SSRP1: variants seen among roughly 807,000 people sequenced by gnomAD.
SSRP1 encodes FACT complex subunit SSRP1.
SSRP1 carries 21 observed loss-of-function variants against 84.4 expected under a neutral mutation model. The observed-to-expected ratio is 0.25, with a 90% CI of 0.18 to 0.36. The LOEUF is 0.36. Among genes scored for constraint, SSRP1 ranks in the 10% least tolerant of loss-of-function variants. SSRP1 has a pLI of 1.00. For missense variants in SSRP1, 519 were observed against 900.8 expected (o/e 0.58, Z 5.43); for synonymous variants, 319 against 318.3 (o/e 1.00, Z -0.02).
At position 57,335,496 on chromosome 11, in the gene SSRP1, C is replaced by T; in HGVS notation, c.-120+234G>A. 3.2e-6 allele frequency: 1 copy of T among 312,196 alleles called. No individual in the cohort carries two copies. Among genetic ancestry groups the T allele is most frequent in the Non-Finnish European group, 6.3e-6 (1 of 157,702 alleles). The allele number at this position is 312,196 out of a possible 1,614,324, so 19.3% of individuals were successfully genotyped here. On this transcript the variant is annotated intron_variant, in intron 1 of 16. Coordinates refer to ENST00000278412, the MANE Select transcript of SSRP1 (RefSeq NM_003146.3). This position sits in a 1 kb window ranked among gnomAD's most constrained non-coding sequence, Gnocchi z 4.6. ...GGAGCCATGGCAACGAGCAGCGGAA[C>T]CCCAGGGTCTGCCAGGAGCCCGCAC... is the stretch of plus-strand genomic sequence containing the variant.
Position 57,335,138 on chromosome 11 carries a change from G to A in SSRP1, c.-17C>T, listed in dbSNP as rs775981388. 1 of 1,613,972 alleles carries A rather than the reference G, an allele frequency of 6.2e-7. No homozygotes were observed. The highest frequency in any genetic ancestry group is 1.1e-5 in the South Asian group (1 of 91,056). ...CTCTGCCATGTCGACCCCTGCCTGT[G>A]GTGGCCTGGGCAGAGCCCCAGGCTG... On this transcript the variant is annotated 5_prime_UTR_variant, in exon 2 of 17. Coordinates refer to ENST00000278412, the MANE Select transcript of SSRP1 (RefSeq NM_003146.3). The surrounding 1 kb of genome is among the most constrained non-coding windows in gnomAD (Gnocchi z 4.6).
At position 57,330,079 on chromosome 11, in the gene SSRP1, C is replaced by G; in HGVS notation, c.1481+14G>C. ...GTCACCATCTTATCCCCACAAGGTA[C>G]CACCAAAACTCACTCCTCTGCCACA... is the stretch of plus-strand genomic sequence containing the variant. On this transcript the variant is annotated intron_variant, in intron 12 of 16. Transcript: ENST00000278412. The surrounding 1 kb of genome is among the most constrained non-coding windows in gnomAD (Gnocchi z 4.0). 6.2e-7 allele frequency: 1 copy of G among 1,614,182 alleles called. No individual in the cohort carries two copies. The highest frequency in any genetic ancestry group is 8.5e-7 in the Non-Finnish European group (1 of 1,180,014).
intron 2 of SSRP1, 92 bp from the exon 3 acceptor site, chr11:57,334,740 G>C (rs986255735): frequency 1.2e-5 from 18 of 1,453,472 alleles, no homozygotes; most frequent in Non-Finnish European, 1.7e-5. Context: ...TGCTGCAAGT[G>C]GACTGGCCAG....
intron 9 of SSRP1, 60 bp downstream of exon 9, chr11:57,331,608 T>G: frequency 1.4e-6 from 2 of 1,442,402 alleles, no homozygotes; most frequent in South Asian, 1.1e-5. Context: ...ACGCCAGCCT[T>G]CCTAGACAAA....
At chr11:57,327,312 T>C in intron 15 of SSRP1, 114 bp downstream of exon 15, 1 of 1,087,474 alleles carries the variant, frequency 9.2e-7, no homozygotes, top group Non-Finnish European at 1.4e-6. Flanking sequence ...ACTACCCTAC[T>C]GCAGTCAGAA....
intron 15 of SSRP1, chr11:57,327,115 T>A (rs1010782733): frequency 2.8e-5 from 23 of 807,534 alleles, no homozygotes; most frequent in Non-Finnish European, 3.9e-5. Flanking sequence ...AAAACCTACT[T>A]GATATTTCTT....
chr11:57,327,918 A>C, intron 13 of SSRP1, 36 bp from the exon 14 acceptor site: 1 of 1,600,836 alleles, frequency 6.2e-7, no homozygotes, highest in Non-Finnish European at 8.5e-7. Flanking sequence ...GCTATTTCCC[A>C]CAGAACCCAT....
chr11:57,329,149 T>G (rs1171527385), intron 12 of SSRP1: 3 of 152,250 alleles, frequency 2.0e-5, no homozygotes, highest in Non-Finnish European at 4.4e-5. Flanking sequence ...TTCACAAGTA[T>G]TTGCTCATTA....
In SSRP1 at chr11:57,326,550, C is replaced by T. The variant is rs970259647; in HGVS notation, c.2059-72G>A. ...CCCACCCACTCTTCAGTGAAGGGCC[C>T]GCAATTCCCTACCGCCCCCAACTAC... is the stretch of plus-strand genomic sequence containing the variant. On this transcript the variant is annotated intron_variant, in intron 16 of 16. Coordinates refer to ENST00000278412, the MANE Select transcript of SSRP1 (RefSeq NM_003146.3). 7 of 1,606,130 alleles carry T rather than the reference C, an allele frequency of 4.4e-6. 1 individual carries two copies. Among genetic ancestry groups the T allele is most frequent in the South Asian group, 3.3e-5 (3 of 90,740 alleles).
chr11:57,331,114 C>A (rs959017228), intron 9 of SSRP1, among the ~76,000 whole-genome samples, 187 bp from the exon 10 acceptor site: 1 of 152,142 alleles, frequency 6.6e-6, no homozygotes, highest in African/African-American at 2.4e-5. Context: ...AGACATTAGT[C>A]CTGAAAGAAC....
chr11:57,326,457 C>G lies in SSRP1; in HGVS notation c.2080G>C (p.Ala694Pro). The change falls in exon 17 of 17, where the codon GCC (alanine) becomes CCC (proline). Residue 694 changes from alanine to proline, a missense_variant. Coordinates refer to ENST00000278412, the MANE Select transcript of SSRP1 (RefSeq NM_003146.3). ...RSEDSEEEEL[A>P]STPPSSEDSA... The stretch of plus-strand genomic sequence containing the variant: ...TCCTCTGAGCTGGGGGGAGTACTGG[C>G]TAGTTCTTCTTCTTCAGAGTCCTGA... 6.2e-7 allele frequency: 1 copy of G among 1,614,142 alleles called. No homozygotes were observed. The highest frequency in any genetic ancestry group is 8.5e-7 in the Non-Finnish European group (1 of 1,180,032).
At chr11:57,328,774 C>T (rs986354561) in intron 12 of SSRP1, 7 of 212,008 alleles carry the variant, frequency 3.3e-5, no homozygotes, top group Middle Eastern at 1.6e-3. Flanking sequence ...ATGCCTGGAA[C>T]ATGGCCCAAA....
intron 12 of SSRP1, chr11:57,329,045 C>T (rs1856039484): frequency 6.6e-6 from 1 of 152,468 alleles, no homozygotes; most frequent in Admixed American, 6.5e-5. Flanking sequence ...AGTGCCTACC[C>T]CTGTAATTGA....
chr11:57,334,373 G>T lies in SSRP1; in HGVS notation c.240+90C>A. 6.8e-7 allele frequency: 1 copy of T among 1,478,542 alleles called. No homozygotes were observed. The highest frequency in any genetic ancestry group is 1.3e-5 in the South Asian group (1 of 77,874). The allele number at this position is 1,478,542 out of a possible 1,614,324, so 91.6% of individuals were successfully genotyped here. On this transcript the variant is annotated intron_variant, in intron 3 of 16. Transcript: ENST00000278412. ...TAAGGAGCCCAAACTAGCAATCACAGGGTTACATGAGGAAGGAACCTCGAG... is the reference window on the plus strand; with the variant it reads ...TAAGGAGCCCAAACTAGCAATCACATGGTTACATGAGGAAGGAACCTCGAG...
chr11:57,328,273 G>A, intron 13 of SSRP1, 24 bp downstream of exon 13: 1 of 1,612,902 alleles, frequency 6.2e-7, no homozygotes, highest in Non-Finnish European at 8.5e-7. Flanking sequence ...ACCACACACA[G>A]GCCCTCCCAT....
Position 57,331,736 on chromosome 11 carries a change from A to T in SSRP1, c.1155T>A (p.Thr385=). 1 of 1,614,216 alleles carries T rather than the reference A, an allele frequency of 6.2e-7. No individual in the cohort carries two copies. Among genetic ancestry groups the T allele is most frequent in the Non-Finnish European group, 8.5e-7 (1 of 1,180,038 alleles). Residue 385 remains threonine (T), a synonymous_variant, in exon 9 of 17, where the codon ACT becomes ACA. Transcript: ENST00000278412. The part of the protein sequence containing the change: ...SFVNFARGTT[T]TRSFDFEIET... ...CAATTTCAAAGTCAAAGGAACGAGT[A>T]GTAGTGGTACCACGAGCAAAGTTGA...
intron 12 of SSRP1, chr11:57,329,460 G>C (rs912867741): frequency 1.3e-5 from 2 of 155,860 alleles, no homozygotes; most frequent in Non-Finnish European, 2.8e-5. Context: ...GGCACTTCTG[G>C]TGTTGTTTTA....
At chr11:57,331,129 T>A (rs190162520) in intron 9 of SSRP1, among the ~76,000 whole-genome samples, 11 of 152,274 alleles carry the variant, frequency 7.2e-5, no homozygotes, top group Admixed American at 2.0e-4. Context: ...AAGAACTGCA[T>A]GGCTTTGAAG....
At chr11:57,334,041 TACTC>T (rs1187199970) in intron 3 of SSRP1, among the ~76,000 whole-genome samples, 10 of 152,242 alleles carry the variant, frequency 6.6e-5, no homozygotes, top group African/African-American at 2.2e-4. Context: ...TGGTACCAGA[TACTC>T]AGGAGGCTGA....
Sources: gnomAD v4.1 joint callset for allele counts (sites outside exome capture counted in the v4.1 genomes callset) on GRCh38, gnomAD v4.1.1 for gene constraint, Gnocchi (gnomAD v3.1) non-coding constraint, MANE v1.5 for transcripts, NCBI Gene and HGNC (gene_info 2026-07-23, HGNC 2026-07-21) for gene names.